STAB1: variants seen among roughly 807,000 people sequenced by gnomAD.
STAB1 encodes the protein stabilin-1.
In STAB1, 250 loss-of-function variants were observed where a neutral mutation model predicts 332.4. That is an observed-to-expected ratio of 0.75 (90% confidence interval 0.68 to 0.84). The LOEUF is 0.84. STAB1 is among the 40% of genes least tolerant of loss of function. STAB1 has a pLI of 0.00. For missense variants in STAB1, 3,249 were observed against 3,489.7 expected (o/e 0.93, Z 1.74); for synonymous variants, 1,475 against 1,390.4 (o/e 1.06, Z -1.35).
intron 21 of STAB1, chr3:52,508,609 G>A: frequency 2.2e-6 from 1 of 463,710 alleles, no homozygotes; most frequent in East Asian, 4.9e-5. Flanking sequence ...ATCACTTGAG[G>A]TCAGGAGTTC....
chr3:52,516,034 C>T lies in STAB1; in HGVS notation c.3949-9C>T, dbSNP rs368192195. 1.4e-5 allele frequency: 22 copies of T among 1,597,042 alleles called. No individual in the cohort carries two copies. The highest frequency in any genetic ancestry group is 1.1e-4 in the South Asian group (10 of 89,228). On this transcript the variant is annotated splice_polypyrimidine_tract_variant and intron_variant, in intron 37 of 68. Transcript: ENST00000321725. ...TCTCTCGCCCTCTCTCCCATCCCCA[C>T]GCCGACAGGTGCCGGACTGCTGCCC...
rs752871329 is a variant in STAB1 at position 52,516,454 on chromosome 3, G to A, written c.4240+3G>A. On this transcript the variant is annotated splice_donor_region_variant and intron_variant, in intron 39 of 68. Coordinates refer to ENST00000321725, the MANE Select transcript of STAB1 (RefSeq NM_015136.3). ...GCAGGGCCTCCGCTGTGACCAGAGT[G>A]AGTGGGTCCCAATGGGGAGGGGGCA... The A allele has an allele frequency of 2.5e-6, 4 of 1,613,372 alleles. No individual in the cohort carries two copies. Among genetic ancestry groups the A allele is most frequent in the Non-Finnish European group, 3.4e-6 (4 of 1,179,836 alleles).
chr3:52,521,542 T>A (rs1318470306), intron 56 of STAB1, 32 bp downstream of exon 56: 5 of 1,613,790 alleles, frequency 3.1e-6, no homozygotes, highest in Non-Finnish European at 4.2e-6. Flanking sequence ...CACGGCCCGA[T>A]TCCTTTGGCC....
rs372915208 is a variant in STAB1 at position 52,505,754 on chromosome 3, C to T, written c.1668C>T (p.Asp556=). 1.5e-5 allele frequency: 24 copies of T among 1,613,736 alleles called. No individual in the cohort carries two copies. Among genetic ancestry groups the T allele is most frequent in the East Asian group, 2.2e-5 (1 of 44,898 alleles). Residue 556 remains aspartate (D), a synonymous_variant, in exon 15 of 69, where the codon GAC becomes GAT. Coordinates refer to ENST00000321725, the MANE Select transcript of STAB1 (RefSeq NM_015136.3). ...PSNEAVDSLR[D]GRLIYLFTAG... is the part of the protein sequence containing the mutation. ...ATGAGGCTGTGGACAGCTTGCGTGACGGCCGCCTGATCTACCTCTTCACAG... is the reference window on the plus strand; with the variant it reads ...ATGAGGCTGTGGACAGCTTGCGTGATGGCCGCCTGATCTACCTCTTCACAG...
chr3:52,514,397 G>C lies in STAB1; in HGVS notation c.3579G>C (p.Leu1193=). Residue 1193 remains leucine, a synonymous_variant, in exon 34 of 69, where the codon CTG becomes CTC. Coordinates refer to ENST00000321725, the MANE Select transcript of STAB1 (RefSeq NM_015136.3). ...DADTVRHHVV[L]GEALSMETLR... is the part of the protein sequence containing the mutation. ...ACACAGTGCGGCACCATGTGGTCCT[G>C]GGGGAGGCCCTCTCCATGGAAACCC... is the stretch of plus-strand genomic sequence containing the variant. 1 of 1,551,952 alleles carries C rather than the reference G, an allele frequency of 6.4e-7. No homozygotes were observed. The highest frequency in any genetic ancestry group is 1.2e-5 in the South Asian group (1 of 80,492).
chr3:52,512,683 C>T (rs1174129445), intron 28 of STAB1, 40 bp downstream of exon 28: 10 of 1,613,128 alleles, frequency 6.2e-6, no homozygotes, highest in Admixed American at 1.7e-5. Flanking sequence ...GGCTCAAATC[C>T]AGGAGGCCTG....
At chr3:52,520,609 T>G in intron 53 of STAB1, 33 bp from the exon 54 acceptor site, 1 of 1,612,864 alleles carries the variant, frequency 6.2e-7, no homozygotes, top group East Asian at 2.2e-5. Flanking sequence ...TCCATCCACC[T>G]GACTTTGCTG....
At chr3:52,506,957 C>A in intron 18 of STAB1, 107 bp downstream of exon 18, 2 of 1,479,490 alleles carry the variant, frequency 1.4e-6, no homozygotes, top group East Asian at 2.4e-5. Flanking sequence ...GGGCTGACGC[C>A]GGCTCTGAGG....
Position 52,512,922 on chromosome 3 carries a change from T to G in STAB1, c.3122T>G (p.Phe1041Cys). 6.2e-7 allele frequency: 1 copy of G among 1,611,902 alleles called. No individual in the cohort carries two copies. Among genetic ancestry groups the G allele is most frequent in the Non-Finnish European group, 8.5e-7 (1 of 1,179,728 alleles). Residue 1041 changes from phenylalanine (F) to cysteine (C), a missense_variant, in exon 29 of 69, where the codon TTC (phenylalanine) becomes TGC (cysteine). Coordinates refer to ENST00000321725, the MANE Select transcript of STAB1 (RefSeq NM_015136.3). ...VRQLSPEDRA[F>C]WLQPRTLPNL... ...CAGCTGAGCCCCGAGGACCGAGCTT[T>G]CTGGCTGCAGCCAAGGACGCTGCCG... is the stretch of plus-strand genomic sequence containing the variant.
rs761718222 is a variant in STAB1, at chr3:52,510,131, C to A, written c.2535-11C>A. The A allele has an allele frequency of 5.0e-6, 8 of 1,613,944 alleles. No homozygotes were observed. Among genetic ancestry groups the A allele is most frequent in the Admixed American group, 3.3e-5 (2 of 60,022 alleles). On this transcript the variant is annotated splice_polypyrimidine_tract_variant and intron_variant, in intron 23 of 68. Coordinates refer to ENST00000321725, the MANE Select transcript of STAB1 (RefSeq NM_015136.3). ...AGGCTCACTGGAGCCCCCTCCTTCA[C>A]CCACCCCCAGATGTCGCTGTCTTGA...
chr3:52,512,435 G>C lies in STAB1; in HGVS notation c.2978G>C (p.Arg993Pro), dbSNP rs557278439. ...TTCAGCTGTTATGGAGACATCTTCC[G>C]GGTAAGGGGTGCTCAGACTCGTTTT... ...DGFSCYGDIF[R>P]ELEANAHFSI... Residue 993 changes from arginine (R) to proline (P), a missense_variant and splice_region_variant, in exon 27 of 69, where the codon CGG becomes CCG. By Grantham distance (103) the Arg-to-Pro change is moderately radical. Coordinates refer to ENST00000321725, the MANE Select transcript of STAB1 (RefSeq NM_015136.3). 3 of 1,609,840 alleles carry C rather than the reference G, an allele frequency of 1.9e-6. No individual in the cohort carries two copies. Among genetic ancestry groups the C allele is most frequent in the Non-Finnish European group, 2.5e-6 (3 of 1,178,026 alleles).
intron 21 of STAB1, 44 bp from the exon 22 acceptor site, chr3:52,509,166 A>G (rs748047250): frequency 3.5e-5 from 55 of 1,573,282 alleles, no homozygotes; most frequent in Non-Finnish European, 4.7e-5. Context: ...GGATGTAGAG[A>G]GTCCCTTTCC....
chr3:52,524,139 G>T lies in STAB1; in HGVS notation c.7582G>T (p.Glu2528Ter), dbSNP rs767075375. ...DADDDFSPWQ[E>*]GTNPTLVSVP... ...TGATGACGACTTCTCACCGTGGCAA[G>T]AAGGGACCAACCCCACCCTGGTCTC... Residue 2528 changes from glutamate to a stop codon, truncating the protein, a stop_gained, in exon 68 of 69, where the codon GAA (glutamate) becomes TAA (stop). Coordinates refer to ENST00000321725, the MANE Select transcript of STAB1 (RefSeq NM_015136.3). LOFTEE classifies it high-confidence loss of function. 14 of 1,613,962 alleles carry T rather than the reference G, an allele frequency of 8.7e-6. No individual in the cohort carries two copies. The highest frequency in any genetic ancestry group is 1.2e-5 in the Non-Finnish European group (14 of 1,180,028).
rs1222839239 is a variant in STAB1 at position 52,517,636 on chromosome 3, A to G, written c.4638+12A>G. The G allele has an allele frequency of 4.3e-6, 7 of 1,610,806 alleles. No homozygotes were observed. In the African/African-American group the frequency reaches 5.3e-5, roughly 12 times the overall value. The stretch of plus-strand genomic sequence containing the variant: ...ACCCCTGCTCTAAGGTCAGGACCCT[A>G]GTCCTGTCCTCCTTCACTGACGAGA... On this transcript the variant is annotated intron_variant, in intron 44 of 68. Transcript: ENST00000321725.
Position 52,524,011 on chromosome 3 carries a change from C to G in STAB1, c.7536C>G (p.Ala2512=). 1 of 1,612,266 alleles carries G rather than the reference C, an allele frequency of 6.2e-7. No individual in the cohort carries two copies. Among genetic ancestry groups the G allele is most frequent in the Non-Finnish European group, 8.5e-7 (1 of 1,179,720 alleles). The part of the protein sequence containing the change: ...RGKPMGFGFS[A]FQAEDDADDD... ...AGCCCATGGGCTTTGGCTTCTCTGC[C>G]TTCCAGGTAGGGCTGGGTTGGGGCT... Residue 2512 remains alanine, a synonymous_variant, in exon 67 of 69, where the codon GCC becomes GCG. Coordinates refer to ENST00000321725, the MANE Select transcript of STAB1 (RefSeq NM_015136.3).
Position 52,516,457 on chromosome 3 carries a change from TG to T in STAB1, c.4240+9del, listed in dbSNP as rs2078867651. On this transcript the variant is annotated splice_region_variant and intron_variant, in intron 39 of 68. Coordinates refer to ENST00000321725, the MANE Select transcript of STAB1 (RefSeq NM_015136.3). ...GGGCCTCCGCTGTGACCAGAGTGAG[TG>T]GGTCCCAATGGGGAGGGGGCAGGTG... The T allele has an allele frequency of 6.2e-7, 1 of 1,613,104 alleles. No individual in the cohort carries two copies. The highest frequency in any genetic ancestry group is 1.7e-5 in the Admixed American group (1 of 59,960).
chr3:52,504,332 A>G (rs1708684660), intron 10 of STAB1, 129 bp from the exon 11 acceptor site: 10 of 1,354,084 alleles, frequency 7.4e-6, no homozygotes, highest in Non-Finnish European at 6.1e-6. Flanking sequence ...CAAGGCCCCC[A>G]TCTACCCTAA....
chr3:52,519,887 T>C (rs1449401964), intron 50 of STAB1, 57 bp from the exon 51 acceptor site: 1 of 1,516,374 alleles, frequency 6.6e-7, no homozygotes, highest in Non-Finnish European at 8.8e-7. Context: ...CCCCCTGCCT[T>C]TGCTAACTAG....
intron 24 of STAB1, 30 bp from the exon 25 acceptor site, chr3:52,510,319 C>A: frequency 6.2e-7 from 1 of 1,613,702 alleles, no homozygotes; most frequent in Non-Finnish European, 8.5e-7. Context: ...GTTCTTGTGT[C>A]CCTCAGTTAT....
Sources: gnomAD v4.1 joint callset for allele counts on GRCh38, gnomAD v4.1.1 for gene constraint, MANE v1.5 for transcripts, NCBI Gene and HGNC (gene_info 2026-07-23, HGNC 2026-07-21) for gene names.